JADE1: variants seen among roughly 807,000 people sequenced by gnomAD.
JADE1 encodes protein Jade-1.
A neutral mutation model predicts 81.8 loss-of-function variants in JADE1; 14 were observed. That is an observed-to-expected ratio of 0.17 (90% CI 0.11 to 0.27). The LOEUF (loss-of-function observed/expected upper bound fraction) is 0.27, where lower values mean the gene tolerates loss of function less well. JADE1 is among the 10% of genes least tolerant of loss of function. JADE1 has a pLI of 1.00. For synonymous variants in JADE1, 353 were observed against 391.9 expected (o/e 0.90, Z 1.17); for missense variants, 690 against 1,047.9 (o/e 0.66, Z 4.71).
chr4:128,850,772 G>A (rs1730284821), intron 5 of JADE1, among the ~76,000 whole-genome samples: 1 of 152,224 alleles, frequency 6.6e-6, no homozygotes, highest in South Asian at 2.1e-4. Context: ...AGAGGACTCA[G>A]CCCAAAGACT....
At chr4:128,825,610 T>C (rs1379666346) in intron 1 of JADE1, among the ~76,000 whole-genome samples, 1 of 152,226 alleles carries the variant, frequency 6.6e-6, no homozygotes, top group East Asian at 1.9e-4. Flanking sequence ...TGGTGACTTT[T>C]ATAGCACTTA....
rs1264261081 is a variant in JADE1 at position 128,809,720 on chromosome 4, C to T, written c.-184C>T. Reference sequence around the variant, plus strand: ...CCTTCCTCCATAACAAGCCAAACGCCAGACCGAGAGTGCCTCCGTGCGCGA... The same window carrying T: ...CCTTCCTCCATAACAAGCCAAACGCTAGACCGAGAGTGCCTCCGTGCGCGA... On this transcript the variant is annotated 5_prime_UTR_variant, in exon 1 of 11. Coordinates refer to ENST00000226319, the MANE Select transcript of JADE1 (RefSeq NM_199320.4). 2 of 152,214 alleles carry T rather than the reference C, an allele frequency of 1.3e-5. No individual in the cohort carries two copies. Among genetic ancestry groups the T allele is most frequent in the Non-Finnish European group, 2.9e-5 (2 of 68,072 alleles). The allele number at this position is 152,214 out of a possible 1,614,324, so 9.4% of individuals were successfully genotyped here. A position where few individuals can be genotyped will look rare whatever the true frequency, so the allele number is the denominator to read the frequency against.
Position 128,831,817 on chromosome 4 carries a change from C to T in JADE1, c.52+7C>T. On this transcript the variant is annotated splice_region_variant and intron_variant, in intron 2 of 10. Coordinates refer to ENST00000226319, the MANE Select transcript of JADE1 (RefSeq NM_199320.4). ...GATTCTGACGACAATGGCAGTAAGT[C>T]CTGCTTTGTTGTTCTTGGAGCCTAC... is the stretch of plus-strand genomic sequence containing the variant. The T allele has an allele frequency of 6.2e-7, 1 of 1,613,216 alleles. No homozygotes were observed. Among genetic ancestry groups the T allele is most frequent in the Non-Finnish European group, 8.5e-7 (1 of 1,179,210 alleles).
At chr4:128,812,512 C>A (rs372583827) in intron 1 of JADE1, among the ~76,000 whole-genome samples, 1 of 152,124 alleles carries the variant, frequency 6.6e-6, no homozygotes, top group Non-Finnish European at 1.5e-5. Flanking sequence ...CCCACTAGAG[C>A]TCCTTATTCT....
chr4:128,832,678 A>G (rs528248565), intron 2 of JADE1, among the ~76,000 whole-genome samples: 1 of 152,386 alleles, frequency 6.6e-6, no homozygotes, highest in South Asian at 2.1e-4. Context: ...ACAGATACAG[A>G]TACAGATTCA....
intron 8 of JADE1, among the ~76,000 whole-genome samples, chr4:128,859,544 C>T (rs545857053): frequency 2.1e-4 from 24 of 114,768 alleles, no homozygotes; most frequent in Admixed American, 5.4e-4. Flanking sequence ...TGTATGCATG[C>T]GTGTATATGT....
At position 128,871,282 on chromosome 4, in the gene JADE1, A is replaced by G. The variant is rs1032665395; in HGVS notation, c.1622-73A>G. The G allele has an allele frequency of 1.0e-4, 142 of 1,396,174 alleles. No homozygotes were observed. The highest frequency in any genetic ancestry group is 1.3e-4 in the Non-Finnish European group (136 of 1,014,066). 86.5% of individuals were successfully genotyped at this position (1,396,174 alleles called of 1,614,324 possible). ...AGTTCACATCAATTGGGCCACACTA[A>G]GGGTGTAGAATTTTATTCTTTTGGA... On this transcript the variant is annotated intron_variant, in intron 10 of 10. Transcript: ENST00000226319. This position sits in a 1 kb window ranked among gnomAD's most constrained non-coding sequence, Gnocchi z 4.1.
At chr4:128,855,553 A>G (rs1480417792) in intron 6 of JADE1, 77 bp from the exon 7 acceptor site, 6 of 1,376,070 alleles carry the variant, frequency 4.4e-6, no homozygotes, top group Non-Finnish European at 5.8e-6. Flanking sequence ...CTAAGTGTTT[A>G]AAATGAATAG....
At position 128,874,231 on chromosome 4, in the gene JADE1, A is replaced by G. The variant is rs571280064; in HGVS notation, c.*1969A>G. 6.5e-6 allele frequency: 1 copy of G among 152,764 alleles called. No homozygotes were observed. The highest frequency in any genetic ancestry group is 3.4e-3 in the Middle Eastern group (1 of 294). 9.5% of individuals were successfully genotyped at this position (152,764 alleles called of 1,614,324 possible). On this transcript the variant is annotated 3_prime_UTR_variant, in exon 11 of 11. Coordinates refer to ENST00000226319, the MANE Select transcript of JADE1 (RefSeq NM_199320.4). ...CAGGAGAAGGTTGGACTTTATCTACAGTTATCTTTTGATTACAGCAACAGC... is the reference window on the plus strand; with the variant it reads ...CAGGAGAAGGTTGGACTTTATCTACGGTTATCTTTTGATTACAGCAACAGC...
intron 7 of JADE1, among the ~76,000 whole-genome samples, chr4:128,856,147 C>T (rs530053186): frequency 6.6e-6 from 1 of 152,262 alleles, no homozygotes; most frequent in African/African-American, 2.4e-5. Flanking sequence ...CACCTTAGCT[C>T]AGAAGGTCCT....
At position 128,868,030 on chromosome 4, in the gene JADE1, A is replaced by C. The variant is rs555842585; in HGVS notation, c.1621+57A>C. Reference sequence around the variant, plus strand: ...AGGGCAGGGGTTTGTAAGCTTTAACACTGTTGAGGAAGAAATAATCATTTC... The same window carrying C: ...AGGGCAGGGGTTTGTAAGCTTTAACCCTGTTGAGGAAGAAATAATCATTTC... On this transcript the variant is annotated intron_variant, in intron 10 of 10. Coordinates refer to ENST00000226319, the MANE Select transcript of JADE1 (RefSeq NM_199320.4). 4 of 806,120 alleles carry C rather than the reference A, an allele frequency of 5.0e-6. No individual in the cohort carries two copies. The African/African-American group carries it at 6.8e-5, about 14-fold the overall frequency. 49.9% of individuals were successfully genotyped at this position (806,120 alleles called of 1,614,324 possible). A position where few individuals can be genotyped will look rare whatever the true frequency, so the allele number is the denominator to read the frequency against.
intron 1 of JADE1, among the ~76,000 whole-genome samples, chr4:128,814,122 A>G (rs972818643): frequency 1.9e-4 from 29 of 152,024 alleles, no homozygotes; most frequent in Non-Finnish European, 2.9e-5. Flanking sequence ...TGCTGTGCTT[A>G]TATTAGTTAT....
Position 128,861,835 on chromosome 4 carries a change from T to C in JADE1, c.1113T>C (p.His371=), listed in dbSNP as rs1401636577. 1.9e-6 allele frequency: 3 copies of C among 1,614,030 alleles called. No individual in the cohort carries two copies. The highest frequency in any genetic ancestry group is 2.7e-5 in the African/African-American group (2 of 74,910). ...CCTATTGCCCAAAGCACAGCTCACATAGGAAACCCGAGGAGAGTCTTGGCA... is the reference window on the plus strand; with the variant it reads ...CCTATTGCCCAAAGCACAGCTCACACAGGAAACCCGAGGAGAGTCTTGGCA... ...FKSYCPKHSS[H]RKPEESLGKG... The change falls in exon 9 of 11, where the codon CAT becomes CAC. Residue 371 remains histidine, a synonymous_variant. Coordinates refer to ENST00000226319, the MANE Select transcript of JADE1 (RefSeq NM_199320.4).
At chr4:128,834,119 C>G (rs1313744537) in intron 2 of JADE1, among the ~76,000 whole-genome samples, 1 of 152,164 alleles carries the variant, frequency 6.6e-6, no homozygotes, top group East Asian at 1.9e-4. Context: ...TCCAGAGGGT[C>G]TTAGTAGCGC....
chr4:128,815,250 G>A (rs1020393022), intron 1 of JADE1, among the ~76,000 whole-genome samples: 13 of 148,876 alleles, frequency 8.7e-5, no homozygotes, highest in Non-Finnish European at 1.9e-4. Flanking sequence ...ACAGGCACCC[G>A]CCACCATGCC....
intron 10 of JADE1, among the ~76,000 whole-genome samples, chr4:128,870,410 C>T (rs1321833060): frequency 1.3e-5 from 2 of 152,030 alleles, no homozygotes; most frequent in Non-Finnish European, 2.9e-5. Context: ...TTATGGGAGA[C>T]AGAAAACATG....
chr4:128,845,925 GA>G (rs773359190), intron 3 of JADE1, among the ~76,000 whole-genome samples: 1,634 of 141,094 alleles, frequency 0.012, 7 homozygotes, highest in Non-Finnish European at 0.017. Context: ...TTCCATCTCA[GA>G]AAAAAAAAAA....
intron 10 of JADE1, among the ~76,000 whole-genome samples, chr4:128,870,236 G>A (rs1732090465): frequency 6.6e-6 from 1 of 152,206 alleles, no homozygotes; most frequent in Non-Finnish European, 1.5e-5. Context: ...TTCCAAACCA[G>A]CAGGTTGTAA....
chr4:128,825,151 T>A (rs1727936354), intron 1 of JADE1, among the ~76,000 whole-genome samples: 1 of 152,196 alleles, frequency 6.6e-6, no homozygotes, highest in South Asian at 2.1e-4. Flanking sequence ...GCGATTCTCC[T>A]GCCTTAGCCT....
Sources: allele counts gnomAD v4.1 joint callset (sites outside exome capture counted in the v4.1 genomes callset), GRCh38; gene constraint gnomAD v4.1.1; non-coding constraint Gnocchi (gnomAD v3.1); transcripts MANE v1.5; gene names NCBI Gene and HGNC (gene_info 2026-07-23, HGNC 2026-07-21).